ENTREP1: variants seen among roughly 807,000 people sequenced by gnomAD.
ENTREP1 encodes endosomal transmembrane epsin interactor 1, also known as Friedreich ataxia region gene X123.
chr9:69,356,980 G>T, the ENTREP1 span, among the ~76,000 whole-genome samples: 4 of 152,004 alleles, frequency 2.6e-5, no homozygotes, highest in East Asian at 7.7e-4. Flanking sequence ...CTTTTCAGCT[G>T]GGTATGGTGG....
chr9:69,326,752 CAG>C, the ENTREP1 span, among the ~76,000 whole-genome samples: 1 of 151,270 alleles, frequency 6.6e-6, no homozygotes, highest in South Asian at 2.1e-4. Flanking sequence ...TTTTAAGGGA[CAG>C]AGTTTCCCCA....
chr9:69,370,331 G>A, the ENTREP1 span, among the ~76,000 whole-genome samples: 1 of 152,172 alleles, frequency 6.6e-6, no homozygotes, highest in African/African-American at 2.4e-5. Context: ...GGAAGATCAA[G>A]TCCTGTCCTT....
At chr9:69,382,581 C>A in the ENTREP1 span, 3 of 152,340 alleles carry the variant, frequency 2.0e-5, no homozygotes, top group African/African-American at 7.2e-5. Context: ...GGAGTGCTTT[C>A]TCATCTTTTC....
At chr9:69,383,004 T>C in the ENTREP1 span, 2 of 983,710 alleles carry the variant, frequency 2.0e-6, no homozygotes, top group Non-Finnish European at 2.4e-6. Context: ...GGCAGAGATT[T>C]GTGGAATTTT....
the ENTREP1 span, among the ~76,000 whole-genome samples, chr9:69,340,771 G>GTGTA: frequency 2.2e-5 from 3 of 139,460 alleles, no homozygotes; most frequent in African/African-American, 8.4e-5. Flanking sequence ...GCATGTGTGT[G>GTGTA]TGTGTATGTG....
the ENTREP1 span, chr9:69,379,988 A>C: frequency 6.6e-6 from 1 of 152,244 alleles, no homozygotes; most frequent in Non-Finnish European, 1.5e-5. Flanking sequence ...GTCCTGAGAC[A>C]GCCTCTGGCC....
At chr9:69,367,888 T>TATATATATACAC in the ENTREP1 span, among the ~76,000 whole-genome samples, 2 of 140,952 alleles carry the variant, frequency 1.4e-5, no homozygotes, top group Non-Finnish European at 3.0e-5. Flanking sequence ...TATATACACA[T>TATATATATACAC]ATATATATAC....
chr9:69,381,026 C>T, the ENTREP1 span: 1 of 152,242 alleles, frequency 6.6e-6, no homozygotes, highest in African/African-American at 2.4e-5. Context: ...TACAGTTTTC[C>T]AGTACAGGAG....
At chr9:69,354,622 G>T in the ENTREP1 span, among the ~76,000 whole-genome samples, 2 of 152,100 alleles carry the variant, frequency 1.3e-5, no homozygotes, top group Non-Finnish European at 2.9e-5. Context: ...GCATCCCCAT[G>T]GTGCTGTTCA....
the ENTREP1 span, among the ~76,000 whole-genome samples, chr9:69,353,009 T>C: frequency 1.4e-4 from 21 of 152,244 alleles, no homozygotes; most frequent in African/African-American, 5.1e-4. Flanking sequence ...TAGTGACACA[T>C]GCATGTAGTC....
At chr9:69,336,166 A>G in the ENTREP1 span, 2 of 988,408 alleles carry the variant, frequency 2.0e-6, no homozygotes, top group Non-Finnish European at 3.0e-6. Context: ...GGATTTGTTT[A>G]TTGGAATTGG....
At chr9:69,343,186 C>A in the ENTREP1 span, among the ~76,000 whole-genome samples, 4 of 152,292 alleles carry the variant, frequency 2.6e-5, no homozygotes, top group South Asian at 8.3e-4. Context: ...TGTTCATGCC[C>A]TTTGTTCTGA....
At chr9:69,349,591 T>C in the ENTREP1 span, among the ~76,000 whole-genome samples, 2 of 152,224 alleles carry the variant, frequency 1.3e-5, no homozygotes, top group Admixed American at 1.3e-4. Flanking sequence ...ATTGCCCATT[T>C]AAAAATTGGT....
At chr9:69,383,831 C>T in the ENTREP1 span, 1 of 1,593,152 alleles carries the variant, frequency 6.3e-7, no homozygotes, top group Admixed American at 1.7e-5. Context: ...CCACCCCCTG[C>T]CCCCAGAGAA....
chr9:69,380,377 C>A, the ENTREP1 span: 1 of 152,210 alleles, frequency 6.6e-6, no homozygotes, highest in Non-Finnish European at 1.5e-5. Flanking sequence ...TTTAAGCAGG[C>A]AGGCAAGAAT....
At chr9:69,378,460 C>T in the ENTREP1 span, among the ~76,000 whole-genome samples, 1 of 152,044 alleles carries the variant, frequency 6.6e-6, no homozygotes, top group Non-Finnish European at 1.5e-5. Context: ...AGAATCAAAC[C>T]TTTTTTTAAA....
chr9:69,330,414 A>C, the ENTREP1 span, among the ~76,000 whole-genome samples: 1 of 152,158 alleles, frequency 6.6e-6, no homozygotes, highest in Non-Finnish European at 1.5e-5. Context: ...GTATACATCT[A>C]TGTCTGTGCT....
the ENTREP1 span, among the ~76,000 whole-genome samples, chr9:69,370,346 A>G: frequency 2.8e-4 from 43 of 152,194 alleles, no homozygotes; most frequent in African/African-American, 9.9e-4. Context: ...GTCCTTTGCC[A>G]ATTATGTATT....
At chr9:69,360,021 C>A in the ENTREP1 span, among the ~76,000 whole-genome samples, 1 of 149,320 alleles carries the variant, frequency 6.7e-6, no homozygotes, top group African/African-American at 2.5e-5. Context: ...AGGTATCACT[C>A]ATTTTTTATA....
Sources: gnomAD v4.1 joint callset for allele counts (sites outside exome capture counted in the v4.1 genomes callset) on GRCh38, gnomAD v4.1.1 for gene constraint, MANE v1.5 for transcripts, NCBI Gene and HGNC (gene_info 2026-07-23, HGNC 2026-07-21) for gene names.